The following MLIP variants were observed in gnomAD, a reference collection of about 807,000 sequenced individuals.
MLIP encodes the protein muscular LMNA-interacting protein.
MLIP carries 79 observed loss-of-function variants against 84.8 expected under a neutral mutation model. That is an observed-to-expected ratio of 0.93 (90% CI 0.78 to 1.12). MLIP has a LOEUF of 1.12. Among genes scored for constraint, MLIP ranks in the 50% most tolerant of loss-of-function variants. The pLI is 0.00. For synonymous variants in MLIP, 504 were observed against 463.0 expected, an observed-to-expected ratio of 1.09 and a Z score of -1.14; for missense variants, 1,257 against 1,160.6, an observed-to-expected ratio of 1.08 and a Z score of -1.21.
At chr6:54,249,469 C>A (rs1562104982) in intron 12 of MLIP, among the ~76,000 whole-genome samples, 2 of 150,684 alleles carry the variant, frequency 1.3e-5, no homozygotes, top group African/African-American at 2.4e-5. Flanking sequence ...ATAGCTAATT[C>A]TTTTTTTTTG....
At chr6:54,249,734 C>CACACATATATAT (rs145607176) in intron 12 of MLIP, among the ~76,000 whole-genome samples, 10 of 127,610 alleles carry the variant, frequency 7.8e-5, no homozygotes, top group African/African-American at 2.9e-4. Context: ...CACACACACA[C>CACACATATATAT]ATATATATAT....
At position 54,183,374 on chromosome 6, in the gene MLIP, A is replaced by G. The variant is rs562833109; in HGVS notation, c.2545-6496A>G. The stretch of plus-strand genomic sequence containing the variant: ...TACTTATTTCATTTTATATTTGTTC[A>G]GAAATATTTCTGCATTCTGCTAGAT... On this transcript the variant is annotated intron_variant, in intron 9 of 13. Coordinates refer to ENST00000502396, the MANE Select transcript of MLIP (RefSeq NM_001281747.2). 1.1e-3 allele frequency among the ~76,000 whole-genome samples: 175 copies of G among 152,310 alleles called. 1 individual carries two copies. In the South Asian group the frequency reaches 0.017, roughly 14 times the overall value.
chr6:54,023,653 T>G (rs1396176297), intron 1 of MLIP, among the ~76,000 whole-genome samples: 1 of 152,150 alleles, frequency 6.6e-6, no homozygotes, highest in Admixed American at 6.5e-5. Context: ...CACTGCAACC[T>G]CCGCCTCCCG....
chr6:54,042,488 A>C (rs762710352), intron 1 of MLIP, among the ~76,000 whole-genome samples: 1 of 152,280 alleles, frequency 6.6e-6, no homozygotes, highest in South Asian at 2.1e-4. Flanking sequence ...GGTACCAAAC[A>C]TATTTTTTTA....
intron 1 of MLIP, among the ~76,000 whole-genome samples, chr6:54,086,959 CG>C (rs1222629801): frequency 1.3e-5 from 2 of 152,278 alleles, no homozygotes; most frequent in Non-Finnish European, 1.5e-5. Flanking sequence ...CTTCTCAGCA[CG>C]ACCACAATAT....
chr6:54,260,607 A>T (rs1396715296), intron 13 of MLIP, among the ~76,000 whole-genome samples: 1 of 151,968 alleles, frequency 6.6e-6, no homozygotes, highest in Admixed American at 6.6e-5. Flanking sequence ...TAAAAGTAGG[A>T]GGATCATGAA....
intron 11 of MLIP, among the ~76,000 whole-genome samples, chr6:54,214,140 G>A (rs1003938042): frequency 2.0e-5 from 3 of 152,046 alleles, no homozygotes; most frequent in Admixed American, 6.6e-5. Flanking sequence ...CAACTCTTAG[G>A]CTCAGAGCAT....
At chr6:54,020,440 T>C (rs1160812016) in intron 1 of MLIP, among the ~76,000 whole-genome samples, 1 of 152,216 alleles carries the variant, frequency 6.6e-6, no homozygotes. Context: ...AAAGGCTTAG[T>C]GGTCATAAAA....
chr6:54,109,341 G>C (rs1039119539), upstream of MLIP, among the ~76,000 whole-genome samples: 4 of 152,060 alleles, frequency 2.6e-5, no homozygotes, highest in African/African-American at 9.7e-5. Context: ...CTAAGAATCT[G>C]TGGAAATCTT....
chr6:54,121,445 A>C lies in MLIP; in HGVS notation c.97-2A>C. On this transcript the variant is annotated splice_acceptor_variant, in intron 1 of 13. Transcript: ENST00000502396. LOFTEE classifies it high-confidence loss of function. ...AAGTCTAATTAACTACATGTCTCATAGGTCTCTGCTGGTGGTTCTGAAGCC... is the reference window on the plus strand; with the variant it reads ...AAGTCTAATTAACTACATGTCTCATCGGTCTCTGCTGGTGGTTCTGAAGCC... 6.2e-7 allele frequency: 1 copy of C among 1,613,842 alleles called. No individual in the cohort carries two copies. Among genetic ancestry groups the C allele is most frequent in the South Asian group, 1.1e-5 (1 of 90,966 alleles).
chr6:54,193,524 G>T (rs1778090103), intron 10 of MLIP, among the ~76,000 whole-genome samples: 1 of 152,122 alleles, frequency 6.6e-6, no homozygotes, highest in Non-Finnish European at 1.5e-5. Context: ...TGTAGTTTTG[G>T]AAAATGAATC....
intron 3 of MLIP, among the ~76,000 whole-genome samples, chr6:54,125,400 A>C (rs893127938): frequency 3.3e-5 from 5 of 152,210 alleles, no homozygotes; most frequent in Non-Finnish European, 4.4e-5. Context: ...GTGGTCCTGG[A>C]AGCCACAAGG....
upstream of MLIP, among the ~76,000 whole-genome samples, chr6:54,110,343 T>C (rs1769362584): frequency 6.6e-6 from 1 of 152,156 alleles, no homozygotes; most frequent in South Asian, 2.1e-4. Context: ...TGTTTACCTG[T>C]TTTATATTCT....
At chr6:54,075,519 C>G (rs1026930540) in intron 1 of MLIP, among the ~76,000 whole-genome samples, 8 of 152,082 alleles carry the variant, frequency 5.3e-5, no homozygotes, top group African/African-American at 1.9e-4. Flanking sequence ...TATTGAAAAT[C>G]CTTACCAACG....
intron 4 of MLIP, among the ~76,000 whole-genome samples, chr6:54,145,653 G>A (rs1294373169): frequency 6.6e-6 from 1 of 152,060 alleles, no homozygotes; most frequent in Non-Finnish European, 1.5e-5. Flanking sequence ...CCACATGCCT[G>A]TATTACCAGA....
At chr6:54,066,735 G>A (rs1366706042) in intron 1 of MLIP, among the ~76,000 whole-genome samples, 2 of 99,490 alleles carry the variant, frequency 2.0e-5, no homozygotes, top group African/African-American at 5.1e-5. Flanking sequence ...CAAACATTAC[G>A]TACAAGATAC....
intron 8 of MLIP, among the ~76,000 whole-genome samples, chr6:54,166,277 G>A (rs1382374426): frequency 6.6e-6 from 1 of 151,904 alleles, no homozygotes; most frequent in African/African-American, 2.4e-5. Context: ...GAAGTAAAAT[G>A]TAAGATCATT....
Position 54,230,761 on chromosome 6 carries a change from G to A in MLIP, c.2766G>A (p.Gln922=), listed in dbSNP as rs530534486. The change falls in exon 12 of 14, where the codon CAG becomes CAA. Residue 922 remains glutamine, a synonymous_variant. Coordinates refer to ENST00000502396, the MANE Select transcript of MLIP (RefSeq NM_001281747.2). The stretch of plus-strand genomic sequence containing the variant: ...CTGTCTCGCTCCATCCTTTATATCA[G>A]ACTAAACTCTATCCTCCTGCTAAGT... ...PKPVSLHPLY[Q]TKLYPPAKSL... The A allele has an allele frequency of 6.2e-7, 1 of 1,614,018 alleles. No homozygotes were observed. Among genetic ancestry groups the A allele is most frequent in the African/African-American group, 1.3e-5 (1 of 75,002 alleles).
At chr6:54,124,372 T>G (rs1770722545) in intron 2 of MLIP, 101 bp from the exon 3 acceptor site, 1 of 1,084,310 alleles carries the variant, frequency 9.2e-7, no homozygotes, top group Admixed American at 2.9e-5. Context: ...TTTAATATAT[T>G]TTTGAAAATA....
Sources: gnomAD v4.1 joint callset for allele counts (sites outside exome capture counted in the v4.1 genomes callset) on GRCh38, gnomAD v4.1.1 for gene constraint, MANE v1.5 for transcripts, NCBI Gene and HGNC (gene_info 2026-07-23, HGNC 2026-07-21) for gene names.